Variants in DHX34 observed in about 807,000 individuals in gnomAD.
DHX34 encodes probable ATP-dependent RNA helicase DHX34.
Under a neutral mutation model 111.1 loss-of-function variants are expected in DHX34, and 96 were observed. The ratio of observed to expected loss-of-function variants is 0.86; its 90% CI spans 0.73 to 1.02. The LOEUF is 1.02. DHX34 is among the 50% of genes least tolerant of loss of function. The pLI, the probability that DHX34 is intolerant of heterozygous loss-of-function variation, is 0.00. For synonymous variants in DHX34, 688 were observed against 670.4 expected, an observed-to-expected ratio of 1.03 and a Z score of -0.41; for missense variants, 1,560 against 1,579.9, an observed-to-expected ratio of 0.99 and a Z score of 0.21.
In DHX34 at chr19:47,373,709, C is replaced by T. The variant is rs563871035; in HGVS notation, c.2064+9C>T. 1.6e-5 allele frequency: 25 copies of T among 1,612,090 alleles called. No homozygotes were observed. Among genetic ancestry groups the T allele is most frequent in the Middle Eastern group, 1.7e-4 (1 of 6,046 alleles). ...TTCGGCGCCAGTTCAAGGTGAGGCT[C>T]GGGAGGAGGGGTAAGGCCGGCCCCA... On this transcript the variant is annotated intron_variant, in intron 9 of 16. Coordinates refer to ENST00000328771, the MANE Select transcript of DHX34 (RefSeq NM_014681.6).
chr19:47,382,334 C>T lies in DHX34; in HGVS notation c.*221C>T. On this transcript the variant is annotated 3_prime_UTR_variant, in exon 17 of 17. Transcript: ENST00000328771. ...AGAAAGCAGCAGCTGCCTTGTTAGTCCTCCCCAGGGTCTAGCTTTCCTTCT... is the reference window on the plus strand; with the variant it reads ...AGAAAGCAGCAGCTGCCTTGTTAGTTCTCCCCAGGGTCTAGCTTTCCTTCT... The T allele has an allele frequency of 3.8e-6, 3 of 795,412 alleles. No individual in the cohort carries two copies. The highest frequency in any genetic ancestry group is 5.6e-6 in the Non-Finnish European group (3 of 534,328). 49.3% of individuals were successfully genotyped at this position (795,412 alleles called of 1,614,324 possible).
intron 7 of DHX34, among the ~76,000 whole-genome samples, chr19:47,368,628 G>GTA (rs1263409934): frequency 9.8e-5 from 14 of 142,568 alleles, no homozygotes; most frequent in African/African-American, 2.9e-4. Flanking sequence ...GTGTGTGTGT[G>GTA]TGTATATATA....
chr19:47,379,087 C>T (rs1254302249), intron 13 of DHX34, among the ~76,000 whole-genome samples: 2 of 150,864 alleles, frequency 1.3e-5, no homozygotes, highest in African/African-American at 4.9e-5. Flanking sequence ...CAAGATTGCG[C>T]CATTGCATTC....
chr19:47,355,550 C>G (rs902492151), intron 3 of DHX34, among the ~76,000 whole-genome samples, 200 bp downstream of exon 3: 19 of 152,184 alleles, frequency 1.2e-4, no homozygotes, highest in African/African-American at 4.6e-4. Context: ...AAAGCTGTTA[C>G]AAGAAGACCC....
Position 47,367,091 on chromosome 19 carries a change from C to G in DHX34, c.1704C>G (p.Asp568Glu). The change falls in exon 7 of 17, where the codon GAC becomes GAG. Residue 568 changes from aspartate (D) to glutamate (E), a missense_variant. Transcript: ENST00000328771. ...ILYLRDQGAL[D>E]SSEALTPIGS... Reference sequence around the variant, plus strand: ...ACCTCCGGGACCAGGGGGCCCTGGACAGCTCAGAGGCCCTCACACCCATTG... The same window carrying G: ...ACCTCCGGGACCAGGGGGCCCTGGAGAGCTCAGAGGCCCTCACACCCATTG... The G allele has an allele frequency of 6.2e-6, 10 of 1,606,040 alleles. No individual in the cohort carries two copies. The highest frequency in any genetic ancestry group is 8.5e-6 in the Non-Finnish European group (10 of 1,176,134).
At chr19:47,368,043 C>T (rs1319415531) in intron 7 of DHX34, among the ~76,000 whole-genome samples, 4 of 151,694 alleles carry the variant, frequency 2.6e-5, no homozygotes. Flanking sequence ...TTTTACCATA[C>T]GACGTCTTGG....
intron 11 of DHX34, 57 bp downstream of exon 11, chr19:47,376,154 G>T: frequency 6.6e-7 from 1 of 1,518,866 alleles, no homozygotes. Context: ...AACCCTGAGT[G>T]CCTGTCCTGT....
intron 6 of DHX34, among the ~76,000 whole-genome samples, chr19:47,365,668 G>A (rs1271894922): frequency 2.0e-5 from 3 of 152,152 alleles, no homozygotes; most frequent in African/African-American, 4.8e-5. Context: ...TAGTGCCCTC[G>A]GATCAAAGCC....
At chr19:47,377,467 C>T (rs935224771) in intron 13 of DHX34, among the ~76,000 whole-genome samples, 2 of 145,376 alleles carry the variant, frequency 1.4e-5, no homozygotes, top group African/African-American at 5.4e-5. Flanking sequence ...TGAAGCCCAG[C>T]CCCTGCCCTC....
In DHX34 at chr19:47,366,995, T is replaced by C. The variant is rs1969805128; in HGVS notation, c.1608T>C (p.Ser536=). ...TCTCATTCTAGATGAAGAGCATGAG[T>C]GTGGGGGACCCCCGAACCTTCCCCT... The part of the protein sequence containing the change: ...DSLVLQMKSM[S]VGDPRTFPFI... The change falls in exon 7 of 17, where the codon AGT becomes AGC. Residue 536 remains serine (S), a synonymous_variant. Coordinates refer to ENST00000328771, the MANE Select transcript of DHX34 (RefSeq NM_014681.6). 6.4e-7 allele frequency: 1 copy of C among 1,553,734 alleles called. No homozygotes were observed. The highest frequency in any genetic ancestry group is 2.3e-5 in the East Asian group (1 of 43,606).
At chr19:47,369,314 G>GT (rs1440685135) in intron 7 of DHX34, among the ~76,000 whole-genome samples, 1 of 152,116 alleles carries the variant, frequency 6.6e-6, no homozygotes, top group African/African-American at 2.4e-5. Flanking sequence ...GCCAATATTT[G>GT]TTTTTTTAGT....
intron 4 of DHX34, 112 bp downstream of exon 4, chr19:47,358,232 C>T: frequency 6.9e-7 from 1 of 1,458,008 alleles, no homozygotes; most frequent in Non-Finnish European, 9.0e-7. Flanking sequence ...TGTACTTGTG[C>T]AAAGTCGTAG....
chr19:47,371,152 C>G (rs932100383), intron 7 of DHX34, among the ~76,000 whole-genome samples: 1 of 151,680 alleles, frequency 6.6e-6, no homozygotes, highest in Non-Finnish European at 1.5e-5. Context: ...GATGGGGAAA[C>G]TGAGGCTGGG....
rs1417194060 is a variant in DHX34, at chr19:47,353,259, A to G, written c.229A>G (p.Arg77Gly). The G allele has an allele frequency of 3.7e-6, 6 of 1,614,046 alleles. No homozygotes were observed. In the Admixed American group the frequency reaches 8.3e-5, roughly 22 times the overall value. Residue 77 changes from arginine (R) to glycine (G), a missense_variant, in exon 2 of 17, where the codon AGG (arginine) becomes GGG (glycine). Transcript: ENST00000328771. This position sits in a 1 kb window ranked among gnomAD's most constrained non-coding sequence, Gnocchi z 4.6. ...LQRFQNLKTS[R>G]KEEKDPGQPK... The stretch of plus-strand genomic sequence containing the variant: ...GAGATTCCAGAATCTCAAGACCTCC[A>G]GGAAGGAGGAGAAAGACCCTGGACA...
At chr19:47,381,474 TCCTGAAGATCA>T in intron 16 of DHX34, 150 bp downstream of exon 16, 10 of 1,189,004 alleles carry the variant, frequency 8.4e-6, no homozygotes, top group Non-Finnish European at 1.0e-5. Context: ...ACAGGCCTTG[TCCTGAAGATCA>T]GGAGCCCAAG....
At chr19:47,368,751 T>C (rs1317050200) in intron 7 of DHX34, among the ~76,000 whole-genome samples, 1 of 151,872 alleles carries the variant, frequency 6.6e-6, no homozygotes, top group Non-Finnish European at 1.5e-5. Context: ...TCTCGCTCTG[T>C]TGCCCAGGCT....
rs1969513599 is a variant in DHX34, at chr19:47,358,066, G to T, written c.1218G>T (p.Gln406His). ...CCCAGACCTATGCCAGCCACACCCAGCGCTGGGTGGTACTGCCACTGCACA... is the reference window on the plus strand; with the variant it reads ...CCCAGACCTATGCCAGCCACACCCATCGCTGGGTGGTACTGCCACTGCACA... ...EAAQTYASHT[Q>H]RWVVLPLHSA... The change falls in exon 4 of 17, where the codon CAG becomes CAT. Residue 406 changes from glutamine to histidine, a missense_variant. Gln to His is a conservative substitution (Grantham distance 24, BLOSUM62 0). Transcript: ENST00000328771. 1.9e-6 allele frequency: 3 copies of T among 1,613,058 alleles called. No homozygotes were observed. The highest frequency in any genetic ancestry group is 2.5e-6 in the Non-Finnish European group (3 of 1,179,822).
At position 47,357,854 on chromosome 19, in the gene DHX34, G is replaced by A. The variant is rs201682143; in HGVS notation, c.1018-12G>A. On this transcript the variant is annotated splice_polypyrimidine_tract_variant and intron_variant, in intron 3 of 16. Coordinates refer to ENST00000328771, the MANE Select transcript of DHX34 (RefSeq NM_014681.6). ...ACAGGGTGTGCTTCTACCTGGGGCT[G>A]TCTCCTCTCAGGTTGTGTACCAGCC... The A allele has an allele frequency of 5.0e-6, 8 of 1,607,102 alleles. No homozygotes were observed. The Admixed American group carries it at 1.2e-4, about 24-fold the overall frequency.
At chr19:47,371,994 G>C (rs759230654) in intron 7 of DHX34, among the ~76,000 whole-genome samples, 7 of 151,344 alleles carry the variant, frequency 4.6e-5, no homozygotes, top group Non-Finnish European at 1.0e-4. Flanking sequence ...CCCAGAACCA[G>C]GGGATGTCTA....
Sources: allele counts gnomAD v4.1 joint callset (sites outside exome capture counted in the v4.1 genomes callset), GRCh38; gene constraint gnomAD v4.1.1; non-coding constraint Gnocchi (gnomAD v3.1); transcripts MANE v1.5; gene names NCBI Gene and HGNC (gene_info 2026-07-23, HGNC 2026-07-21).